The following RGS6 variants were observed in gnomAD, a reference collection of about 807,000 sequenced individuals.
RGS6 encodes the protein regulator of G protein signaling 6.
A neutral mutation model predicts 78.5 loss-of-function variants in RGS6; 30 were observed. That is an observed-to-expected ratio of 0.38 (90% CI 0.29 to 0.52). The LOEUF (loss-of-function observed/expected upper bound fraction) is 0.52. Ranked by LOEUF, RGS6 falls within the 20% of genes least tolerant of loss-of-function variation. The probability of loss-of-function intolerance (pLI) is 0.85; values close to 1 mark genes in which losing one functional copy is unlikely to be tolerated. For missense variants in RGS6, 495 were observed against 609.7 expected (o/e 0.81, Z 1.98); for synonymous variants, 206 against 206.0 (o/e 1.00, Z 0.00).
chr14:72,015,762 A>C (rs1404687923), intron 2 of RGS6, among the ~76,000 whole-genome samples: 1 of 152,120 alleles, frequency 6.6e-6, no homozygotes, highest in African/African-American at 2.4e-5. Flanking sequence ...TGCTAATCCG[A>C]TTGGCACAGA....
At chr14:72,113,808 G>A (rs191262147) in intron 2 of RGS6, among the ~76,000 whole-genome samples, 56 of 152,240 alleles carry the variant, frequency 3.7e-4, no homozygotes, top group Admixed American at 2.3e-3. Context: ...AAAGCAAGTC[G>A]CATGGCTGTG....
chr14:72,279,256 G>A (rs2153946867), intron 2 of RGS6, among the ~76,000 whole-genome samples: 1 of 152,168 alleles, frequency 6.6e-6, no homozygotes, highest in Non-Finnish European at 1.5e-5. Context: ...TGACCTTGAT[G>A]TATGTATCCT....
At chr14:72,127,872 G>A (rs2096237113) in intron 2 of RGS6, among the ~76,000 whole-genome samples, 1 of 152,070 alleles carries the variant, frequency 6.6e-6, no homozygotes, top group South Asian at 2.1e-4. Context: ...TTTGTTCTCT[G>A]TTTCTATAAC....
intron 17 of RGS6, chr14:72,541,692 G>A: frequency 6.8e-7 from 1 of 1,477,726 alleles, no homozygotes. Flanking sequence ...GGATGGTTAG[G>A]GATTTTGCTG....
chr14:72,198,480 T>C (rs1410266585), intron 2 of RGS6, among the ~76,000 whole-genome samples: 1 of 152,260 alleles, frequency 6.6e-6, no homozygotes, highest in African/African-American at 2.4e-5. Context: ...TTAGTTGTAC[T>C]ATTCTATTGC....
At position 72,193,342 on chromosome 14, in the gene RGS6, C is replaced by T. The variant is rs141859814; in HGVS notation, c.85-158753C>T. 4.3e-3 allele frequency among the ~76,000 whole-genome samples: 653 copies of T among 152,300 alleles called. 7 individuals carry two copies. The highest frequency in any genetic ancestry group is 0.015 in the African/African-American group (618 of 41,562). ...AACCCACTGGGGTGAAAGGACAGGC[C>T]TTGGAAATGTTGCATTAGTAGCAAC... On this transcript the variant is annotated intron_variant, in intron 2 of 17. Transcript: ENST00000553525.
chr14:72,469,136 A>G (rs2096005879), intron 7 of RGS6, among the ~76,000 whole-genome samples: 1 of 151,668 alleles, frequency 6.6e-6, no homozygotes, highest in African/African-American at 2.4e-5. Context: ...GGCAGCCCTC[A>G]ATGACTTTTC....
intron 2 of RGS6, among the ~76,000 whole-genome samples, chr14:72,170,475 T>C (rs925661806): frequency 2.0e-5 from 3 of 152,164 alleles, no homozygotes; most frequent in African/African-American, 7.2e-5. Context: ...AAAACTGCCA[T>C]TACTCCAGTG....
intron 3 of RGS6, among the ~76,000 whole-genome samples, chr14:72,399,545 T>G (rs1170572234): frequency 6.6e-6 from 1 of 152,198 alleles, no homozygotes; most frequent in East Asian, 1.9e-4. Context: ...AGGTTAGTAT[T>G]GTTATGTGTG....
chr14:72,522,119 C>G (rs1014744181), intron 15 of RGS6, among the ~76,000 whole-genome samples: 1 of 152,174 alleles, frequency 6.6e-6, no homozygotes, highest in African/African-American at 2.4e-5. Flanking sequence ...AGAAATTTAT[C>G]ACAGTTCTCG....
chr14:72,314,942 G>T (rs764324825), intron 2 of RGS6, among the ~76,000 whole-genome samples: 2 of 152,166 alleles, frequency 1.3e-5, no homozygotes, highest in Admixed American at 1.3e-4. Flanking sequence ...AGAAACACAC[G>T]ACCAGAAATT....
chr14:72,138,208 A>G (rs886836421), intron 2 of RGS6, among the ~76,000 whole-genome samples: 1 of 152,218 alleles, frequency 6.6e-6, no homozygotes, highest in Non-Finnish European at 1.5e-5. Flanking sequence ...CCTACTGGAT[A>G]CTGTGAATGA....
intron 2 of RGS6, among the ~76,000 whole-genome samples, chr14:72,185,263 C>G (rs574886390): frequency 6.6e-6 from 1 of 152,210 alleles, no homozygotes; most frequent in African/African-American, 2.4e-5. Flanking sequence ...AGTCCACTGA[C>G]TCAAATGTTA....
At chr14:72,326,330 T>G (rs777300865) in intron 2 of RGS6, among the ~76,000 whole-genome samples, 7 of 152,214 alleles carry the variant, frequency 4.6e-5, no homozygotes, top group Non-Finnish European at 8.8e-5. Context: ...TATATGCTTG[T>G]GTATGAATAA....
intron 2 of RGS6, among the ~76,000 whole-genome samples, chr14:72,316,405 G>C (rs753977261): frequency 1.3e-4 from 19 of 151,960 alleles, no homozygotes; most frequent in Non-Finnish European, 2.9e-5. Flanking sequence ...CCCCACAACA[G>C]GCCCCAGTGT....
At chr14:72,569,877 G>A (rs916678666), downstream of RGS6, among the ~76,000 whole-genome samples, 1 of 152,184 alleles carries the variant, frequency 6.6e-6, no homozygotes. Context: ...AGAGTTGGAG[G>A]AGCAGAGCTT....
chr14:72,406,451 A>G (rs1219888542), intron 3 of RGS6, among the ~76,000 whole-genome samples: 1 of 152,192 alleles, frequency 6.6e-6, no homozygotes, highest in Non-Finnish European at 1.5e-5. Flanking sequence ...ATGTCTGAAC[A>G]CTTCTGTGAA....
At chr14:72,294,779 C>T (rs1281244556) in intron 2 of RGS6, among the ~76,000 whole-genome samples, 1 of 151,944 alleles carries the variant, frequency 6.6e-6, no homozygotes, top group African/African-American at 2.4e-5. Flanking sequence ...GAGAACAGCA[C>T]CAAAGGGGTG....
chr14:72,200,587 G>C (rs901141612), intron 2 of RGS6, among the ~76,000 whole-genome samples: 1 of 151,724 alleles, frequency 6.6e-6, no homozygotes, highest in Non-Finnish European at 1.5e-5. Flanking sequence ...GCACAGGACG[G>C]GGAGTGGTAG....
Sources: gnomAD v4.1 joint callset for allele counts (sites outside exome capture counted in the v4.1 genomes callset) on GRCh38, gnomAD v4.1.1 for gene constraint, MANE v1.5 for transcripts, NCBI Gene and HGNC (gene_info 2026-07-23, HGNC 2026-07-21) for gene names.